Variants in PTK2 observed in about 807,000 individuals in gnomAD.
The protein encoded by PTK2 is focal adhesion kinase 1.
A neutral mutation model predicts 150.1 loss-of-function variants in PTK2; 45 were observed. The observed-to-expected ratio is 0.30, with a 90% CI of 0.24 to 0.38. The LOEUF (loss-of-function observed/expected upper bound fraction) is 0.38. Ranked by LOEUF, PTK2 falls within the 10% of genes least tolerant of loss-of-function variation. The pLI, the probability that PTK2 is intolerant of heterozygous loss-of-function variation, is 1.00. For synonymous variants in PTK2, 432 were observed against 449.2 expected, an observed-to-expected ratio of 0.96 and a Z score of 0.48; for missense variants, 919 against 1,307.3, an observed-to-expected ratio of 0.70 and a Z score of 4.58.
chr8:140,990,000 G>T (rs1350822832), intron 1 of PTK2, among the ~76,000 whole-genome samples: 1 of 152,048 alleles, frequency 6.6e-6, no homozygotes, highest in Non-Finnish European at 1.5e-5. Context: ...ATCAAAAGGG[G>T]TGCAGAGGGG....
intron 5 of PTK2, among the ~76,000 whole-genome samples, chr8:140,857,589 G>A (rs556026814): frequency 6.6e-6 from 1 of 152,292 alleles, no homozygotes; most frequent in South Asian, 2.1e-4. Context: ...ATGGGGCAGA[G>A]GGACGAAATA....
intron 17 of PTK2, 32 bp from the exon 21 acceptor site, chr8:140,746,892 CTTTTTTTTTTTTT>C (rs369382658): frequency 3.0e-6 from 3 of 989,802 alleles, no homozygotes; most frequent in South Asian, 1.7e-5. Context: ...GTTATTCTTT[CTTTTTTTTTTTTT>C]TTTTTAGACG....
chr8:140,680,825 C>G (rs183866811), intron 27 of PTK2, among the ~76,000 whole-genome samples: 61 of 152,022 alleles, frequency 4.0e-4, no homozygotes, highest in Admixed American at 1.2e-3. Context: ...CCACTGTGCC[C>G]GACTGGGTGC....
At chr8:140,879,676 G>GAACAAAAAAAAAAAAAAA (rs2100147775) in intron 3 of PTK2, 39 bp from the exon 4 acceptor site, 1 of 31,602 alleles carries the variant, frequency 3.2e-5, no homozygotes, top group Non-Finnish European at 4.8e-5. Context: ...GTTATAAACT[G>GAACAAAAAAAAAAAAAAA]AAAAAAAAAA....
intron 1 of PTK2, among the ~76,000 whole-genome samples, chr8:140,967,869 T>C (rs1259890782): frequency 6.6e-6 from 1 of 152,154 alleles, no homozygotes; most frequent in African/African-American, 2.4e-5. Flanking sequence ...CTAAACTCAG[T>C]CTATCAATAG....
intron 1 of PTK2, among the ~76,000 whole-genome samples, chr8:140,957,031 A>G (rs577011235): frequency 1.6e-4 from 24 of 152,326 alleles, no homozygotes; most frequent in Admixed American, 1.2e-3. Context: ...ATTGCACTCC[A>G]GCCTGGGCAA....
chr8:140,830,946 T>C (rs1030239134), intron 7 of PTK2, among the ~76,000 whole-genome samples: 8 of 152,166 alleles, frequency 5.3e-5, no homozygotes, highest in Non-Finnish European at 1.0e-4. Flanking sequence ...TGATTCAGGA[T>C]ATACCCGAGA....
intron 22 of PTK2, chr8:140,732,570 A>T: frequency 1.9e-6 from 1 of 530,886 alleles, no homozygotes; most frequent in Non-Finnish European, 3.9e-6. Flanking sequence ...CACCGAGGTG[A>T]GTATGACCAT....
intron 1 of PTK2, among the ~76,000 whole-genome samples, chr8:140,956,725 C>T (rs1215702626): frequency 6.6e-6 from 1 of 152,060 alleles, no homozygotes; most frequent in Non-Finnish European, 1.5e-5. Flanking sequence ...TGTGGGTCTA[C>T]CCTAATGTGT....
chr8:140,722,519 C>T (rs2100043510), intron 22 of PTK2, among the ~76,000 whole-genome samples: 1 of 152,218 alleles, frequency 6.6e-6, no homozygotes, highest in Non-Finnish European at 1.5e-5. Context: ...CCTCCCACCT[C>T]AGCCTCTCAA....
At chr8:140,797,510 C>CT (rs1270625251) in intron 12 of PTK2, among the ~76,000 whole-genome samples, 1 of 152,126 alleles carries the variant, frequency 6.6e-6, no homozygotes, top group African/African-American at 2.4e-5. Flanking sequence ...TTATGCCATG[C>CT]TTAGAAGCAT....
At chr8:140,924,367 T>C (rs2100168660) in intron 2 of PTK2, among the ~76,000 whole-genome samples, 1 of 152,134 alleles carries the variant, frequency 6.6e-6, no homozygotes, top group South Asian at 2.1e-4. Flanking sequence ...AAACACCTCA[T>C]GATTTACTTC....
In PTK2 at chr8:140,659,629, T is replaced by C. The variant is rs527481094; in HGVS notation, c.2996A>G (p.Asn999Ser). ...ATACTGCTGGGCCAGTTTCATCTTG[T>C]TGATGAGCTCACCCAGGTCAGAGTT... Residue 999 changes from asparagine (N) to serine (S), a missense_variant, in exon 32 of 32, where the codon AAC becomes AGC. Asn to Ser is a conservative substitution (Grantham distance 46). Transcript: ENST00000522684. The C allele has an allele frequency of 9.5e-5, 154 of 1,614,218 alleles. 1 individual carries two copies. In the South Asian group the frequency reaches 1.4e-3, roughly 15 times the overall value.
intron 7 of PTK2, among the ~76,000 whole-genome samples, chr8:140,843,904 A>C (rs754252505): frequency 6.6e-6 from 1 of 151,628 alleles, no homozygotes; most frequent in Non-Finnish European, 1.5e-5. Flanking sequence ...TTCTTCCCCT[A>C]TCATTTTTCT....
intron 26 of PTK2, among the ~76,000 whole-genome samples, chr8:140,699,576 T>C (rs1013062092): frequency 1.3e-5 from 2 of 152,212 alleles, no homozygotes; most frequent in Non-Finnish European, 2.9e-5. Context: ...ACATCAGTCA[T>C]AAATGCCAGG....
At chr8:140,710,619 C>T (rs938486663) in intron 23 of PTK2, among the ~76,000 whole-genome samples, 13 of 150,530 alleles carry the variant, frequency 8.6e-5, no homozygotes, top group Non-Finnish European at 5.9e-5. Context: ...TGCGGTGAGC[C>T]GAGATCGCAC....
chr8:140,770,813 C>A lies in PTK2; in HGVS notation c.1178-6523G>T. ...AGTGACTGACTCCTTTATAAAGAGG[C>A]AAGAGGGGAAAGAGAAAAATAGAAA... On this transcript the variant is annotated intron_variant, in intron 14 of 31. Transcript: ENST00000522684. 1 of 1,249,306 alleles carries A rather than the reference C, an allele frequency of 8.0e-7. No individual in the cohort carries two copies. Among genetic ancestry groups the A allele is most frequent in the Non-Finnish European group, 1.0e-6 (1 of 957,312 alleles). 77.4% of individuals were successfully genotyped at this position (1,249,306 alleles called of 1,614,324 possible).
chr8:140,820,868 C>G (rs2100108130), intron 8 of PTK2: 1 of 152,250 alleles, frequency 6.6e-6, no homozygotes, highest in Non-Finnish European at 1.5e-5. Context: ...CTCAGTGGGT[C>G]AGGGACATGG....
At position 140,921,238 on chromosome 8, in the gene PTK2, GAAAGAGGGAGGGA is replaced by G. The variant is rs1224175323; in HGVS notation, c.-33+4410_-33+4422del. ...GTTCCTAGATTCATTCAGGGAAGGA[GAAAGAGGGAGGGA>G]AAAGAGGGAGGAGAAAAAGAAGGCC... On this transcript the variant is annotated intron_variant, in intron 2 of 31. Coordinates refer to ENST00000522684, the Ensembl canonical transcript of PTK2. The G allele has an allele frequency of 1.1e-5, 7 of 643,842 alleles. No individual in the cohort carries two copies. In the Admixed American group the frequency reaches 1.6e-4, roughly 15 times the overall value. The allele number at this position is 643,842 out of a possible 1,614,324, so 39.9% of individuals were successfully genotyped here.
Sources: gnomAD v4.1 joint callset for allele counts (sites outside exome capture counted in the v4.1 genomes callset) on GRCh38, gnomAD v4.1.1 for gene constraint, MANE v1.5 for transcripts, NCBI Gene and HGNC (gene_info 2026-07-23, HGNC 2026-07-21) for gene names.